ZNF362: variants seen among roughly 807,000 people sequenced by gnomAD.
ZNF362 encodes the protein rotund homolog.
In ZNF362, 11 loss-of-function variants were observed where a neutral mutation model predicts 42.9. The ratio of observed to expected loss-of-function variants is 0.26; its 90% CI spans 0.16 to 0.42. ZNF362 has a LOEUF of 0.42. Among genes scored for constraint, ZNF362 ranks in the 20% least tolerant of loss-of-function variants. The pLI is 1.00. For synonymous variants in ZNF362, 255 were observed against 257.3 expected, an observed-to-expected ratio of 0.99 and a Z score of 0.09; for missense variants, 362 against 576.2, an observed-to-expected ratio of 0.63 and a Z score of 3.81.
At chr1:33,249,809 C>G in the ZNF362 span, among the ~76,000 whole-genome samples, 1 of 152,156 alleles carries the variant, frequency 6.6e-6, no homozygotes, top group Non-Finnish European at 1.5e-5. Flanking sequence ...CCCTGAAGAA[C>G]AGGCAGCCAA....
the ZNF362 span, among the ~76,000 whole-genome samples, chr1:33,237,840 G>C: frequency 6.6e-6 from 1 of 152,238 alleles, no homozygotes; most frequent in Non-Finnish European, 1.5e-5. Context: ...GGGAAACCTC[G>C]AAGGCTGTGT....
intron 1 of ZNF362, among the ~76,000 whole-genome samples, chr1:33,264,456 A>G (rs1248051989): frequency 6.6e-6 from 1 of 152,148 alleles, no homozygotes; most frequent in Non-Finnish European, 1.5e-5. Flanking sequence ...TGTTCGAAAG[A>G]TTTTATCCAT....
chr1:33,147,470 G>A, the ZNF362 span: 4 of 1,613,848 alleles, frequency 2.5e-6, no homozygotes, highest in South Asian at 3.3e-5. This position sits in a 1 kb window ranked among gnomAD's most constrained non-coding sequence, Gnocchi z 8.1. Context: ...GGCTGGATCT[G>A]GATGCTGCCC....
chr1:33,281,908 C>G lies in ZNF362; in HGVS notation c.908+97C>G, dbSNP rs1209651393. 1 of 1,313,992 alleles carries G rather than the reference C, an allele frequency of 7.6e-7. No individual in the cohort carries two copies. The highest frequency in any genetic ancestry group is 1.3e-5 in the South Asian group (1 of 77,734). The allele number at this position is 1,313,992 out of a possible 1,614,324, so 81.4% of individuals were successfully genotyped here. A position where few individuals can be genotyped will look rare whatever the true frequency, so the allele number is the denominator to read the frequency against. On this transcript the variant is annotated intron_variant, in intron 6 of 8. Coordinates refer to ENST00000539719, the MANE Select transcript of ZNF362 (RefSeq NM_152493.3). This position sits in a 1 kb window ranked among gnomAD's most constrained non-coding sequence, Gnocchi z 4.8. ...GTGCAAGGAGGGGCAAGGACCTTCT[C>G]CAGGTGCCCATTGCCCTCGGGGTCA...
upstream of ZNF362, among the ~76,000 whole-genome samples, chr1:33,251,782 G>A (rs1401252856): frequency 2.0e-5 from 3 of 152,154 alleles, no homozygotes; most frequent in Non-Finnish European, 4.4e-5. Context: ...CTTACTCTGG[G>A]AATCCCTCCC....
chr1:33,139,382 C>T, the ZNF362 span, among the ~76,000 whole-genome samples: 1 of 152,300 alleles, frequency 6.6e-6, no homozygotes, highest in South Asian at 2.1e-4. Flanking sequence ...GCATGCAAAA[C>T]CATAGGACAG....
chr1:33,165,391 C>A, the ZNF362 span: 1 of 1,348,258 alleles, frequency 7.4e-7, no homozygotes. This position sits in a 1 kb window ranked among gnomAD's most constrained non-coding sequence, Gnocchi z 4.0. Context: ...GGCCCCGCCC[C>A]TCTTCCCCAG....
chr1:33,299,332 C>A lies in ZNF362; in HGVS notation c.*286C>A. 6 of 164,598 alleles carry A rather than the reference C, an allele frequency of 3.6e-5. No individual in the cohort carries two copies. The highest frequency in any genetic ancestry group is 7.9e-5 in the Admixed American group (1 of 12,670). 10.2% of individuals were successfully genotyped at this position (164,598 alleles called of 1,614,324 possible). ...TGTTCCCCACCCTTCACTTGCTTCA[C>A]TGTTTTTTTTTTTTTCGTTTTTTTT... On this transcript the variant is annotated 3_prime_UTR_variant, in exon 9 of 9. Transcript: ENST00000539719.
At chr1:33,224,468 T>G in the ZNF362 span, among the ~76,000 whole-genome samples, 1 of 152,200 alleles carries the variant, frequency 6.6e-6, no homozygotes, top group Non-Finnish European at 1.5e-5. Flanking sequence ...GATACATAAT[T>G]TAAATGTATC....
chr1:33,180,145 A>T, the ZNF362 span, among the ~76,000 whole-genome samples: 1 of 152,182 alleles, frequency 6.6e-6, no homozygotes, highest in Non-Finnish European at 1.5e-5. Context: ...AACTATGCTC[A>T]GGTCACTCTG....
At chr1:33,198,478 A>G in the ZNF362 span, among the ~76,000 whole-genome samples, 5 of 152,118 alleles carry the variant, frequency 3.3e-5, no homozygotes, top group Non-Finnish European at 7.4e-5. Flanking sequence ...ACCAGCCTGG[A>G]CAACATGGCA....
the ZNF362 span, among the ~76,000 whole-genome samples, chr1:33,191,567 C>T: frequency 2.6e-5 from 4 of 152,032 alleles, no homozygotes; most frequent in East Asian, 1.9e-4. Context: ...GGCAATGGCA[C>T]GATCTTGGTT....
chr1:33,216,627 G>GA, the ZNF362 span, among the ~76,000 whole-genome samples: 154 of 142,454 alleles, frequency 1.1e-3, 3 homozygotes, highest in South Asian at 2.0e-3. Flanking sequence ...AAAGAAACAG[G>GA]AAAAAAAAAA....
chr1:33,275,266 C>G, intron 2 of ZNF362: 10 of 985,418 alleles, frequency 1.0e-5, no homozygotes, highest in Non-Finnish European at 1.2e-5. Context: ...GAAGGCCCAT[C>G]CTTCATACTG....
chr1:33,165,713 A>G, the ZNF362 span: 1 of 556,070 alleles, frequency 1.8e-6, no homozygotes, highest in Non-Finnish European at 3.0e-6. This position sits in a 1 kb window ranked among gnomAD's most constrained non-coding sequence, Gnocchi z 4.0. Context: ...ACCACCAGCA[A>G]GTCCTGTAGA....
the ZNF362 span, among the ~76,000 whole-genome samples, chr1:33,178,598 G>A: frequency 6.6e-6 from 1 of 152,202 alleles, no homozygotes; most frequent in Non-Finnish European, 1.5e-5. Flanking sequence ...CAAATAGCAG[G>A]TTAATCCCAG....
the ZNF362 span, among the ~76,000 whole-genome samples, chr1:33,151,174 A>C: frequency 7.2e-5 from 11 of 152,084 alleles, no homozygotes; most frequent in African/African-American, 2.7e-4. Flanking sequence ...AGACAAAGAT[A>C]AGCCTGCAGA....
At chr1:33,171,192 T>C in the ZNF362 span, among the ~76,000 whole-genome samples, 2 of 151,974 alleles carry the variant, frequency 1.3e-5, no homozygotes, top group Non-Finnish European at 2.9e-5. Flanking sequence ...AGCAGAGAGG[T>C]CACACAGGAA....
chr1:33,196,207 C>G, the ZNF362 span: 2 of 152,104 alleles, frequency 1.3e-5, no homozygotes, highest in East Asian at 1.9e-4. Flanking sequence ...TGGTGAAACC[C>G]TGTCTCTACT....
Sources: gnomAD v4.1 joint callset for allele counts (sites outside exome capture counted in the v4.1 genomes callset) on GRCh38, gnomAD v4.1.1 for gene constraint, Gnocchi (gnomAD v3.1) non-coding constraint, MANE v1.5 for transcripts, NCBI Gene and HGNC (gene_info 2026-07-23, HGNC 2026-07-21) for gene names.